Variants in CWC27 observed in about 807,000 individuals in gnomAD.
CWC27 encodes the protein CWC27 spliceosome associated cyclophilin.
Under a neutral mutation model 63.6 loss-of-function variants are expected in CWC27, and 47 were observed. The ratio of observed to expected loss-of-function variants is 0.74; its 90% CI spans 0.58 to 0.94. The LOEUF (loss-of-function observed/expected upper bound fraction) is 0.94, where lower values mean the gene tolerates loss of function less well. CWC27 is among the 40% of genes least tolerant of loss of function. The probability of loss-of-function intolerance (pLI) is 0.00; values close to 1 mark genes in which losing one functional copy is unlikely to be tolerated. For missense variants in CWC27, 495 were observed against 554.3 expected (o/e 0.89, Z 1.07); for synonymous variants, 175 against 179.8 (o/e 0.97, Z 0.22).
At chr5:64,824,935 G>A (rs552432145) in intron 10 of CWC27, among the ~76,000 whole-genome samples, 5 of 151,306 alleles carry the variant, frequency 3.3e-5, no homozygotes, top group Non-Finnish European at 7.4e-5. Context: ...GGTTTTACCC[G>A]ATTAGCCAGG....
intron 11 of CWC27, among the ~76,000 whole-genome samples, chr5:64,921,174 G>T (rs1007504838): frequency 3.3e-5 from 5 of 152,050 alleles, no homozygotes; most frequent in Non-Finnish European, 7.4e-5. Context: ...TTTTATTTCT[G>T]CCTCAGTCTT....
intron 11 of CWC27, among the ~76,000 whole-genome samples, chr5:64,918,892 T>C (rs1212025981): frequency 6.6e-6 from 1 of 152,174 alleles, no homozygotes; most frequent in Admixed American, 6.5e-5. Context: ...TGATTCCACA[T>C]TGAACATGAG....
At chr5:64,891,624 A>G (rs1747239776) in intron 11 of CWC27, among the ~76,000 whole-genome samples, 1 of 152,150 alleles carries the variant, frequency 6.6e-6, no homozygotes, top group Non-Finnish European at 1.5e-5. Context: ...TAATTAGCGA[A>G]TCTTGTTGAG....
At chr5:64,979,218 A>G (rs961255058) in intron 13 of CWC27, among the ~76,000 whole-genome samples, 1 of 152,206 alleles carries the variant, frequency 6.6e-6, no homozygotes, top group African/African-American at 2.4e-5. Context: ...GAAAAAAATA[A>G]ATGGTGAAGA....
intron 10 of CWC27, among the ~76,000 whole-genome samples, chr5:64,809,588 C>A (rs375059795): frequency 4.6e-5 from 7 of 152,086 alleles, no homozygotes; most frequent in African/African-American, 1.7e-4. Context: ...AGAATGGTCT[C>A]GATCTCCTGA....
rs140197177 is a variant in CWC27 at position 64,859,232 on chromosome 5, G to A, written c.939-26211G>A. Among the ~76,000 whole-genome samples the A allele has an allele frequency of 6.6e-3, 1,010 of 152,294 alleles. 3 individuals carry two copies. Among genetic ancestry groups the A allele is most frequent in the Non-Finnish European group, 0.011 (773 of 68,018 alleles). ...AGCAACTAATCTATGATGATAGAAA[G>A]CAGAACAGTGGTTGTGGGAGGGGGT... is the stretch of plus-strand genomic sequence containing the variant. On this transcript the variant is annotated intron_variant, in intron 10 of 13. Transcript: ENST00000381070.
At chr5:64,978,744 G>A (rs1309579) in intron 13 of CWC27, among the ~76,000 whole-genome samples, 68,452 of 151,104 alleles carry the variant, frequency 0.45, 15,554 homozygotes, top group African/African-American at 0.49. Context: ...ATGCATTTTT[G>A]AAGGAAATAT....
At chr5:64,888,436 A>ATAT (rs35760011) in intron 11 of CWC27, among the ~76,000 whole-genome samples, 56,997 of 145,944 alleles carry the variant, frequency 0.39, 12,060 homozygotes, top group African/African-American at 0.55. Context: ...AAATGTCAAC[A>ATAT]TATATAAATA....
At chr5:64,903,706 T>G (rs1747561454) in intron 11 of CWC27, among the ~76,000 whole-genome samples, 1 of 151,884 alleles carries the variant, frequency 6.6e-6, no homozygotes. Flanking sequence ...AAAATAAAAA[T>G]AAAAAAAGAA....
intron 3 of CWC27, among the ~76,000 whole-genome samples, chr5:64,783,442 G>C (rs1743766706): frequency 6.6e-6 from 1 of 152,210 alleles, no homozygotes; most frequent in Non-Finnish European, 1.5e-5. Context: ...CATTTAGAAT[G>C]AGATGGGAAG....
intron 11 of CWC27, among the ~76,000 whole-genome samples, chr5:64,960,556 G>A (rs1748887919): frequency 6.6e-6 from 1 of 151,686 alleles, no homozygotes; most frequent in African/African-American, 2.4e-5. Context: ...AATACAAATT[G>A]ACTTTGTATT....
chr5:64,774,693 T>G lies in CWC27; in HGVS notation c.45T>G (p.Val15=), dbSNP rs1436459903. The change falls in exon 2 of 14, where the codon GTT becomes GTG. Residue 15 remains valine (V), a splice_region_variant and synonymous_variant. Transcript: ENST00000381070. ...YIQEPPTNGK[V]LLKTTAGDID... Reference sequence around the variant, plus strand: ...AAAATGTAATATTCTTTCTACAGGTTTTATTGAAAACTACAGCTGGAGATA... The same window carrying G: ...AAAATGTAATATTCTTTCTACAGGTGTTATTGAAAACTACAGCTGGAGATA... 6.5e-7 allele frequency: 1 copy of G among 1,548,622 alleles called. No individual in the cohort carries two copies. The highest frequency in any genetic ancestry group is 8.7e-7 in the Non-Finnish European group (1 of 1,146,370).
At chr5:64,827,712 T>C (rs1745400506) in intron 10 of CWC27, among the ~76,000 whole-genome samples, 1 of 152,146 alleles carries the variant, frequency 6.6e-6, no homozygotes, top group East Asian at 1.9e-4. Flanking sequence ...TCTCTTTTTC[T>C]GTTTTCAAGA....
rs551547236 is a variant in CWC27, at chr5:64,870,845, A to T, written c.939-14598A>T. Among the ~76,000 whole-genome samples, 152 of 152,280 alleles carry T rather than the reference A, an allele frequency of 1.0e-3. 1 individual carries two copies. Among genetic ancestry groups the T allele is most frequent in the African/African-American group, 3.5e-3 (146 of 41,572 alleles). On this transcript the variant is annotated intron_variant, in intron 10 of 13. Coordinates refer to ENST00000381070, the MANE Select transcript of CWC27 (RefSeq NM_005869.4). ...GGTGGCATGTACACATATATTCACA[A>T]ACATACAATTTTATATAAACTGAAT...
intron 11 of CWC27, among the ~76,000 whole-genome samples, chr5:64,964,165 T>C (rs1269838571): frequency 6.6e-6 from 1 of 152,242 alleles, no homozygotes; most frequent in African/African-American, 2.4e-5. Flanking sequence ...AAGTTCTTAA[T>C]TGTCATTGGT....
chr5:64,780,064 C>T (rs191466508), intron 2 of CWC27, among the ~76,000 whole-genome samples: 50 of 152,078 alleles, frequency 3.3e-4, no homozygotes, highest in African/African-American at 1.2e-3. Context: ...ACTAATATAC[C>T]CCTCCTCCAC....
At chr5:64,869,411 A>C (rs1746610574) in intron 10 of CWC27, among the ~76,000 whole-genome samples, 1 of 152,066 alleles carries the variant, frequency 6.6e-6, no homozygotes, top group Non-Finnish European at 1.5e-5. Context: ...TTCCTGGCTC[A>C]CATCTTGTCC....
chr5:64,923,615 G>A (rs936897052), intron 11 of CWC27, among the ~76,000 whole-genome samples: 4 of 143,398 alleles, frequency 2.8e-5, no homozygotes, highest in African/African-American at 5.2e-5. Context: ...GCTGTATCTA[G>A]TCGGCCGTCT....
At chr5:64,998,182 T>C (rs1311781653) in intron 13 of CWC27, among the ~76,000 whole-genome samples, 1 of 152,066 alleles carries the variant, frequency 6.6e-6, no homozygotes, top group Non-Finnish European at 1.5e-5. Flanking sequence ...GTTGGGGAAG[T>C]TTGCTTTGTT....
Sources: allele counts gnomAD v4.1 joint callset (sites outside exome capture counted in the v4.1 genomes callset), GRCh38; gene constraint gnomAD v4.1.1; transcripts MANE v1.5; gene names NCBI Gene and HGNC (gene_info 2026-07-23, HGNC 2026-07-21).